Variants in DCDC2 observed in about 807,000 individuals in gnomAD.
DCDC2 encodes doublecortin domain-containing protein 2.
Under a neutral mutation model 50.2 loss-of-function variants are expected in DCDC2, and 40 were observed. That is an observed-to-expected ratio of 0.80 (90% confidence interval 0.62 to 1.04). The LOEUF (loss-of-function observed/expected upper bound fraction) is 1.04, where lower values mean the gene tolerates loss of function less well. Among genes scored for constraint, DCDC2 ranks in the 50% least tolerant of loss-of-function variants. The pLI, the probability that DCDC2 is intolerant of heterozygous loss-of-function variation, is 0.00. For missense variants in DCDC2, 570 were observed against 581.9 expected (o/e 0.98, Z 0.21); for synonymous variants, 234 against 210.6 (o/e 1.11, Z -0.96).
At chr6:24,250,229 A>C (rs973592359) in intron 7 of DCDC2, among the ~76,000 whole-genome samples, 2 of 152,200 alleles carry the variant, frequency 1.3e-5, no homozygotes, top group African/African-American at 4.8e-5. Context: ...ACCAGAGGTG[A>C]GTACAAATCG....
chr6:24,177,543 G>A (rs1169526018), intron 9 of DCDC2, among the ~76,000 whole-genome samples: 1 of 152,134 alleles, frequency 6.6e-6, no homozygotes, highest in Non-Finnish European at 1.5e-5. Context: ...AGACAGGAAG[G>A]GATGGGATAA....
At chr6:24,373,783 AT>A in the DCDC2 span, among the ~76,000 whole-genome samples, 1 of 152,212 alleles carries the variant, frequency 6.6e-6, no homozygotes, top group Admixed American at 6.5e-5. Flanking sequence ...GTTACGTATT[AT>A]TTAGTAACAA....
At position 24,191,587 on chromosome 6, in the gene DCDC2, C is replaced by T. The variant is rs1290451911; in HGVS notation, c.1024-12955G>A. Among the ~76,000 whole-genome samples, 8 of 152,110 alleles carry T rather than the reference C, an allele frequency of 5.3e-5. No individual in the cohort carries two copies. The East Asian group carries it at 1.3e-3, about 26-fold the overall frequency. On this transcript the variant is annotated intron_variant, in intron 8 of 9. Transcript: ENST00000378454. ...GCTAAAGAGATACAGATGTTGTTAGCCCGGTGCCAGCCAAAGAAGATTCCC... is the reference window on the plus strand; with the variant it reads ...GCTAAAGAGATACAGATGTTGTTAGTCCGGTGCCAGCCAAAGAAGATTCCC...
At chr6:24,261,623 T>C (rs1444040230) in intron 7 of DCDC2, among the ~76,000 whole-genome samples, 2 of 152,152 alleles carry the variant, frequency 1.3e-5, no homozygotes, top group East Asian at 3.9e-4. Flanking sequence ...TGAGTGCAGT[T>C]GCCCACAGGA....
At chr6:24,220,769 G>A (rs1199296017) in intron 7 of DCDC2, among the ~76,000 whole-genome samples, 1 of 147,002 alleles carries the variant, frequency 6.8e-6, no homozygotes, top group Non-Finnish European at 1.5e-5. Context: ...TTACTCAGAG[G>A]TCTGCACAGC....
intron 7 of DCDC2, among the ~76,000 whole-genome samples, chr6:24,240,288 A>C: frequency 6.6e-6 from 1 of 152,196 alleles, no homozygotes; most frequent in East Asian, 1.9e-4. Context: ...GTGGCTTTAA[A>C]GAGGTGCATC....
chr6:24,196,535 C>CT (rs1660079675), intron 8 of DCDC2, among the ~76,000 whole-genome samples: 1 of 152,162 alleles, frequency 6.6e-6, no homozygotes, highest in Non-Finnish European at 1.5e-5. Context: ...GTTCTCATGC[C>CT]TCAGCCTCCC....
intron 8 of DCDC2, among the ~76,000 whole-genome samples, chr6:24,189,133 TC>T (rs1039537462): frequency 6.6e-5 from 10 of 152,172 alleles, no homozygotes; most frequent in Non-Finnish European, 5.9e-5. Context: ...TGAGTTTGCC[TC>T]CATGTGTATC....
intron 2 of DCDC2, among the ~76,000 whole-genome samples, 192 bp from the exon 3 acceptor site, chr6:24,302,236 C>A (rs1185336297): frequency 1.4e-5 from 2 of 147,180 alleles, no homozygotes; most frequent in Non-Finnish European, 3.0e-5. Context: ...TAACAAAGCT[C>A]TCAAGAAAAG....
chr6:24,266,025 C>G (rs1003168852), intron 7 of DCDC2, among the ~76,000 whole-genome samples: 1 of 151,620 alleles, frequency 6.6e-6, no homozygotes, highest in Non-Finnish European at 1.5e-5. Context: ...AACAGAGAAC[C>G]CAGAAATAAA....
chr6:24,240,448 T>C (rs1762542374), intron 7 of DCDC2, among the ~76,000 whole-genome samples: 1 of 152,218 alleles, frequency 6.6e-6, no homozygotes. Flanking sequence ...GGTAGACTAT[T>C]ACAAAACATT....
chr6:24,276,764 C>T (rs1200825045), intron 7 of DCDC2, among the ~76,000 whole-genome samples: 3 of 152,016 alleles, frequency 2.0e-5, no homozygotes, highest in Non-Finnish European at 4.4e-5. Context: ...TTGTTTGCTA[C>T]TCACGGGAAA....
intron 4 of DCDC2, among the ~76,000 whole-genome samples, chr6:24,300,513 C>T (rs760967867): frequency 1.3e-5 from 2 of 152,140 alleles, no homozygotes; most frequent in Non-Finnish European, 2.9e-5. Flanking sequence ...TTACTTATAT[C>T]GTATTTGAAT....
chr6:24,336,417 C>T (rs1192926367), intron 2 of DCDC2, among the ~76,000 whole-genome samples: 2 of 152,234 alleles, frequency 1.3e-5, no homozygotes, highest in East Asian at 3.9e-4. Context: ...TATGCAAACC[C>T]TAAACATGTG....
intron 8 of DCDC2, among the ~76,000 whole-genome samples, chr6:24,181,767 A>G (rs1443703440): frequency 6.6e-6 from 1 of 152,240 alleles, no homozygotes; most frequent in Non-Finnish European, 1.5e-5. Context: ...AAAGTGATCT[A>G]CAGATTCAAT....
intron 8 of DCDC2, among the ~76,000 whole-genome samples, chr6:24,190,073 G>GAAA (rs56783668): frequency 0.025 from 3,292 of 132,174 alleles, 68 homozygotes; most frequent in African/African-American, 0.049. Flanking sequence ...TACTTTCACC[G>GAAA]AAAAAAAAAA....
chr6:24,382,201 A>C, the DCDC2 span, among the ~76,000 whole-genome samples: 2 of 152,090 alleles, frequency 1.3e-5, no homozygotes, highest in African/African-American at 4.8e-5. Flanking sequence ...AAGACCCTCT[A>C]AGATTAGGAG....
At chr6:24,345,424 C>A (rs1306718048) in intron 2 of DCDC2, among the ~76,000 whole-genome samples, 1 of 152,198 alleles carries the variant, frequency 6.6e-6, no homozygotes, top group Non-Finnish European at 1.5e-5. Context: ...CGGGTTCCCA[C>A]AAACTTTTCA....
At chr6:24,378,984 T>C in the DCDC2 span, among the ~76,000 whole-genome samples, 1 of 126,776 alleles carries the variant, frequency 7.9e-6, no homozygotes, top group African/African-American at 3.0e-5. Context: ...AAAAGGCCAA[T>C]CTAGCCATAT....
Sources: gnomAD v4.1 joint callset for allele counts (sites outside exome capture counted in the v4.1 genomes callset) on GRCh38, gnomAD v4.1.1 for gene constraint, MANE v1.5 for transcripts, NCBI Gene and HGNC (gene_info 2026-07-23, HGNC 2026-07-21) for gene names.